The following GRM5 variants were observed in gnomAD, a reference collection of about 807,000 sequenced individuals.
GRM5 encodes metabotropic glutamate receptor 5.
A neutral mutation model predicts 83.1 loss-of-function variants in GRM5; 19 were observed. The observed-to-expected ratio is 0.23, with a 90% CI of 0.16 to 0.34. GRM5 has a LOEUF of 0.34. Among genes scored for constraint, GRM5 ranks in the 10% least tolerant of loss-of-function variants. GRM5 has a pLI of 1.00. For synonymous variants in GRM5, 675 were observed against 633.6 expected (o/e 1.07, Z -0.98); for missense variants, 1,160 against 1,588.3 (o/e 0.73, Z 4.58).
chr11:88,794,006 C>T (rs1208023500), intron 3 of GRM5, among the ~76,000 whole-genome samples: 1 of 152,042 alleles, frequency 6.6e-6, no homozygotes, highest in East Asian at 1.9e-4. Context: ...ATTTTATATA[C>T]AGACAAGGAT....
intron 2 of GRM5, among the ~76,000 whole-genome samples, chr11:89,030,716 T>C (rs1209393031): frequency 2.0e-5 from 3 of 152,078 alleles, no homozygotes; most frequent in Non-Finnish European, 2.9e-5. Flanking sequence ...CTCAAGTTAG[T>C]ATAAAATTGA....
chr11:88,881,429 G>C (rs201373439), intron 2 of GRM5, among the ~76,000 whole-genome samples: 1 of 80,554 alleles, frequency 1.2e-5, no homozygotes, highest in Non-Finnish European at 3.7e-5. Context: ...GAGGGCAAAA[G>C]ATAAACATCT....
intron 2 of GRM5, among the ~76,000 whole-genome samples, chr11:89,033,311 C>A (rs1412183361): frequency 9.9e-5 from 15 of 151,254 alleles, no homozygotes; most frequent in Admixed American, 2.0e-4. Context: ...GATTAATACT[C>A]TTTCCACTGA....
intron 2 of GRM5, among the ~76,000 whole-genome samples, chr11:89,029,652 A>T (rs745608636): frequency 1.8e-4 from 27 of 152,170 alleles, no homozygotes; most frequent in Non-Finnish European, 2.6e-4. Flanking sequence ...TGTATACTTG[A>T]TTATTCCAGA....
At chr11:88,748,474 C>A (rs1942190391) in intron 3 of GRM5, among the ~76,000 whole-genome samples, 1 of 152,094 alleles carries the variant, frequency 6.6e-6, no homozygotes, top group East Asian at 1.9e-4. Context: ...GGAGGGGTAG[C>A]CATCATCTCT....
chr11:88,815,304 AAAT>A (rs1231031287), intron 3 of GRM5, among the ~76,000 whole-genome samples: 1 of 152,246 alleles, frequency 6.6e-6, no homozygotes, highest in African/African-American at 2.4e-5. Context: ...TTTGGGAACT[AAAT>A]AAAACATTTA....
Position 89,036,375 on chromosome 11 carries a change from A to G in GRM5, c.661+10837T>C, listed in dbSNP as rs139742851. Among the ~76,000 whole-genome samples the G allele has an allele frequency of 8.8e-4, 134 of 152,200 alleles. 2 individuals are homozygous for G. The East Asian group carries it at 0.019, about 21-fold the overall frequency. ...CATATATTGGTAACTTTCCTGACCAATTCTCCACTCCATTATGTTGTCAAT... is the reference window on the plus strand; with the variant it reads ...CATATATTGGTAACTTTCCTGACCAGTTCTCCACTCCATTATGTTGTCAAT... On this transcript the variant is annotated intron_variant, in intron 2 of 9. Coordinates refer to ENST00000305447, the MANE Select transcript of GRM5 (RefSeq NM_001143831.3).
chr11:88,954,640 T>A (rs1312974132), intron 2 of GRM5, among the ~76,000 whole-genome samples: 1 of 152,162 alleles, frequency 6.6e-6, no homozygotes, highest in Non-Finnish European at 1.5e-5. Flanking sequence ...ACAGAGAAAC[T>A]GCATTTTTAA....
Position 88,720,717 on chromosome 11 carries a change from C to T in GRM5, c.912-67314G>A, listed in dbSNP as rs78633306. Among the ~76,000 whole-genome samples the T allele has an allele frequency of 3.9e-3, 596 of 151,894 alleles. 1 individual carries two copies. The highest frequency in any genetic ancestry group is 0.013 in the African/African-American group (558 of 41,452). ...TGGAGAGCGTCCTTCTGTCTAATCT[C>T]CATTAAAATTGTTATGTGCCCTGTG... On this transcript the variant is annotated intron_variant, in intron 3 of 9. Coordinates refer to ENST00000305447, the MANE Select transcript of GRM5 (RefSeq NM_001143831.3).
intron 3 of GRM5, among the ~76,000 whole-genome samples, chr11:88,813,847 G>A (rs951787584): frequency 2.6e-5 from 4 of 151,816 alleles, no homozygotes; most frequent in African/African-American, 7.3e-5. Context: ...GGCTCATAAC[G>A]TTTTATAAAA....
intron 8 of GRM5, among the ~76,000 whole-genome samples, chr11:88,540,114 C>T (rs1348470862): frequency 6.6e-6 from 1 of 152,160 alleles, no homozygotes; most frequent in African/African-American, 2.4e-5. Flanking sequence ...AATCTAACTA[C>T]ATCAAAACTA....
rs201085054 is a variant in GRM5, at chr11:88,590,692, G to A, written c.1599C>T (p.Thr533=). 6.2e-7 allele frequency: 1 copy of A among 1,610,660 alleles called. No homozygotes were observed. Among genetic ancestry groups the A allele is most frequent in the South Asian group, 1.1e-5 (1 of 91,000 alleles). The change falls in exon 7 of 10, where the codon ACC becomes ACT. Residue 533 remains threonine, a synonymous_variant. Transcript: ENST00000305447. Reference sequence around the variant, plus strand: ...ACTCATTCTCCTTACAAGGTGTACAGGTCCAACAACAGCTGACTTCTCCCT... The same window carrying A: ...ACTCATTCTCCTTACAAGGTGTACAAGTCCAACAACAGCTGACTTCTCCCT... ...IRKGEVSCCW[T]CTPCKENEYV...
At chr11:88,769,173 A>G (rs1470274196) in intron 3 of GRM5, among the ~76,000 whole-genome samples, 2 of 152,094 alleles carry the variant, frequency 1.3e-5, no homozygotes, top group Non-Finnish European at 2.9e-5. Flanking sequence ...TCATGGTGGC[A>G]GCCAGGTTTT....
At chr11:88,774,036 T>A (rs1461744906) in intron 3 of GRM5, among the ~76,000 whole-genome samples, 2 of 152,184 alleles carry the variant, frequency 1.3e-5, no homozygotes, top group Admixed American at 1.3e-4. Context: ...TATAAATTAC[T>A]TTGGGCAGTA....
At chr11:88,976,827 A>G (rs1939354111) in intron 2 of GRM5, among the ~76,000 whole-genome samples, 1 of 151,154 alleles carries the variant, frequency 6.6e-6, no homozygotes, top group African/African-American at 2.4e-5. Flanking sequence ...GCTAGTGAAG[A>G]CTTAACTTCC....
intron 3 of GRM5, among the ~76,000 whole-genome samples, chr11:88,828,625 G>T (rs1943934167): frequency 6.6e-6 from 1 of 152,060 alleles, no homozygotes; most frequent in Non-Finnish European, 1.5e-5. Context: ...TTATACACCA[G>T]TGATTAAAAA....
chr11:88,946,335 A>G (rs1374025816), intron 2 of GRM5, among the ~76,000 whole-genome samples: 1 of 152,094 alleles, frequency 6.6e-6, no homozygotes, highest in Non-Finnish European at 1.5e-5. Context: ...TGATTTCTCA[A>G]AGAACTTTAA....
At chr11:88,719,089 G>T (rs771569686) in intron 3 of GRM5, among the ~76,000 whole-genome samples, 2 of 150,788 alleles carry the variant, frequency 1.3e-5, no homozygotes, top group African/African-American at 2.4e-5. Context: ...TTTAGTTTAA[G>T]TTCAGGGGTA....
intron 8 of GRM5, among the ~76,000 whole-genome samples, chr11:88,529,014 C>G (rs552634827): frequency 6.2e-4 from 94 of 152,132 alleles, no homozygotes; most frequent in Admixed American, 2.9e-3. Context: ...ATTACAAAAG[C>G]TTATTATTTA....
Sources: gnomAD v4.1 joint callset for allele counts (sites outside exome capture counted in the v4.1 genomes callset) on GRCh38, gnomAD v4.1.1 for gene constraint, MANE v1.5 for transcripts, NCBI Gene and HGNC (gene_info 2026-07-23, HGNC 2026-07-21) for gene names.